The following CMTR1 variants were observed in gnomAD, a reference collection of about 807,000 sequenced individuals.
CMTR1 encodes the protein cap-specific mRNA (nucleoside-2'-O-)-methyltransferase 1.
CMTR1 carries 39 observed loss-of-function variants against 107.0 expected under a neutral mutation model. The ratio of observed to expected loss-of-function variants is 0.36; its 90% CI spans 0.28 to 0.48. The LOEUF (loss-of-function observed/expected upper bound fraction) is 0.48, where lower values mean the gene tolerates loss of function less well. CMTR1 is among the 20% of genes least tolerant of loss of function. The pLI, the probability that CMTR1 is intolerant of heterozygous loss-of-function variation, is 0.99. For synonymous variants in CMTR1, 366 were observed against 379.5 expected, an observed-to-expected ratio of 0.96 and a Z score of 0.41; for missense variants, 672 against 1,064.9, an observed-to-expected ratio of 0.63 and a Z score of 5.14.
chr6:37,479,051 A>G, intron 22 of CMTR1, 96 bp from the exon 23 acceptor site: 1 of 801,368 alleles, frequency 1.2e-6, no homozygotes, highest in Non-Finnish European at 2.1e-6. Context: ...GGTGGGAGGC[A>G]GGAATAGGAC....
chr6:37,470,174 T>G (rs1306688441), intron 13 of CMTR1, among the ~76,000 whole-genome samples: 1 of 151,004 alleles, frequency 6.6e-6, no homozygotes, highest in Non-Finnish European at 1.5e-5. Context: ...TGAGATGGAG[T>G]CTTGCACTGT....
rs1761223604 is a variant in CMTR1 at position 37,453,271 on chromosome 6, G to C, written c.736G>C (p.Val246Leu). 1 of 1,614,072 alleles carries C rather than the reference G, an allele frequency of 6.2e-7. No homozygotes were observed. Among genetic ancestry groups the C allele is most frequent in the Non-Finnish European group, 8.5e-7 (1 of 1,180,054 alleles). Residue 246 changes from valine (V) to leucine (L), a missense_variant, in exon 8 of 24, where the codon GTA (valine) becomes CTA (leucine). Val to Leu is a conservative substitution (Grantham distance 32, BLOSUM62 1). Coordinates refer to ENST00000373451, the MANE Select transcript of CMTR1 (RefSeq NM_015050.3). ...AATGAAGATGGCTAACATGGATTTTGTATTTGATCGCATGTTCACAAATCC... is the reference window on the plus strand; with the variant it reads ...AATGAAGATGGCTAACATGGATTTTCTATTTGATCGCATGTTCACAAATCC... ...AAMKMANMDF[V>L]FDRMFTNPRD...
At chr6:37,474,297 G>C (rs1302355414) in intron 17 of CMTR1, among the ~76,000 whole-genome samples, 1 of 152,188 alleles carries the variant, frequency 6.6e-6, no homozygotes, top group African/African-American at 2.4e-5. Flanking sequence ...CCCTGCACCC[G>C]TTCCAAGGCT....
At chr6:37,455,370 C>T (rs186800222) in intron 8 of CMTR1, among the ~76,000 whole-genome samples, 87 of 152,296 alleles carry the variant, frequency 5.7e-4, no homozygotes, top group Admixed American at 1.4e-3. Flanking sequence ...TGAGCTACCG[C>T]GCCCAGCCAA....
intron 8 of CMTR1, among the ~76,000 whole-genome samples, chr6:37,453,516 A>G (rs939714223): frequency 6.6e-6 from 1 of 152,196 alleles, no homozygotes; most frequent in Non-Finnish European, 1.5e-5. Flanking sequence ...CAGTCCTGGA[A>G]TCCGAGCCAC....
At chr6:37,473,439 C>T (rs368808697) in intron 16 of CMTR1, 31 bp from the exon 17 acceptor site, 59 of 1,603,774 alleles carry the variant, frequency 3.7e-5, no homozygotes, top group Non-Finnish European at 4.5e-5. Context: ...TCCCCCAACC[C>T]GGCAGTGTTT....
intron 5 of CMTR1, among the ~76,000 whole-genome samples, chr6:37,450,861 A>G (rs965446756): frequency 7.2e-5 from 11 of 152,238 alleles, no homozygotes; most frequent in Non-Finnish European, 1.3e-4. Flanking sequence ...AGCTATTTTC[A>G]TAATGATATT....
chr6:37,453,666 T>TG (rs1370276668), intron 8 of CMTR1, among the ~76,000 whole-genome samples: 1 of 147,748 alleles, frequency 6.8e-6, no homozygotes, highest in Non-Finnish European at 1.5e-5. Flanking sequence ...GAGTGTTGGA[T>TG]GAAATGTGGG....
intron 12 of CMTR1, 40 bp downstream of exon 12, chr6:37,462,142 A>G: frequency 6.2e-7 from 1 of 1,612,086 alleles, no homozygotes; most frequent in Non-Finnish European, 8.5e-7. Flanking sequence ...TTAATTGGCT[A>G]AATGTCAGAA....
At chr6:37,442,022 A>G (rs1190365193) in intron 2 of CMTR1, among the ~76,000 whole-genome samples, 1 of 152,208 alleles carries the variant, frequency 6.6e-6, no homozygotes, top group African/African-American at 2.4e-5. Flanking sequence ...TTTTGGTTTT[A>G]AGTTTATTCT....
At chr6:37,475,716 G>C in intron 19 of CMTR1, 1 of 515,458 alleles carries the variant, frequency 1.9e-6, no homozygotes, top group Non-Finnish European at 3.5e-6. Context: ...CGGGTAGAGG[G>C]GGTACTCCTT....
intron 13 of CMTR1, among the ~76,000 whole-genome samples, chr6:37,466,107 AG>A (rs1761504791): frequency 2.3e-5 from 3 of 131,870 alleles, no homozygotes; most frequent in African/African-American, 3.2e-5. Context: ...AGAGTTTTAC[AG>A]TTTTTGTTTT....
At chr6:37,470,928 A>G (rs1761610668) in intron 13 of CMTR1, 93 bp from the exon 14 acceptor site, 1 of 979,752 alleles carries the variant, frequency 1.0e-6, no homozygotes, top group Non-Finnish European at 1.5e-6. Context: ...CCAAATATAG[A>G]TGGCCACTGC....
intron 23 of CMTR1, among the ~76,000 whole-genome samples, chr6:37,479,588 G>A (rs1326571487): frequency 2.6e-5 from 4 of 152,234 alleles, no homozygotes; most frequent in Non-Finnish European, 5.9e-5. Flanking sequence ...AACCTGCTGA[G>A]GGCCCACAGC....
At chr6:37,426,523 AAGGTCTCCTC>A in the CMTR1 span, among the ~76,000 whole-genome samples, 1 of 151,192 alleles carries the variant, frequency 6.6e-6, no homozygotes, top group Non-Finnish European at 1.5e-5. Context: ...GTATAGAGTT[AAGGTCTCCTC>A]AGGTCTTTTT....
chr6:37,424,694 ATC>A, the CMTR1 span, among the ~76,000 whole-genome samples: 1 of 152,156 alleles, frequency 6.6e-6, no homozygotes, highest in Admixed American at 6.5e-5. Flanking sequence ...TAATGTAGCC[ATC>A]TCTCACATCA....
intron 3 of CMTR1, among the ~76,000 whole-genome samples, chr6:37,445,784 C>G (rs1180833128): frequency 6.6e-6 from 1 of 151,930 alleles, no homozygotes; most frequent in Non-Finnish European, 1.5e-5. Flanking sequence ...TGAGCCACCG[C>G]GCCCGGTCCC....
intron 4 of CMTR1, 139 bp downstream of exon 4, chr6:37,446,588 T>G (rs949633500): frequency 3.1e-6 from 3 of 969,666 alleles, no homozygotes; most frequent in African/African-American, 3.3e-5. Flanking sequence ...TGGAAAGTAC[T>G]GGGGATATCC....
chr6:37,450,453 C>A, intron 5 of CMTR1, 110 bp downstream of exon 5: 2 of 785,408 alleles, frequency 2.5e-6, no homozygotes, highest in Admixed American at 2.0e-5. Context: ...GTGAATCTGA[C>A]CATTCATGTT....
Sources: gnomAD v4.1 joint callset for allele counts (sites outside exome capture counted in the v4.1 genomes callset) on GRCh38, gnomAD v4.1.1 for gene constraint, MANE v1.5 for transcripts, NCBI Gene and HGNC (gene_info 2026-07-23, HGNC 2026-07-21) for gene names.